Variants in SMPD3 observed in about 807,000 individuals in gnomAD.
SMPD3 encodes the protein sphingomyelin phosphodiesterase 3.
SMPD3 carries 21 observed loss-of-function variants against 55.7 expected under a neutral mutation model. That is an observed-to-expected ratio of 0.38 (90% CI 0.27 to 0.54). The LOEUF is 0.54. Ranked by LOEUF, SMPD3 falls within the 20% of genes least tolerant of loss-of-function variation. SMPD3 has a pLI of 0.80. For synonymous variants in SMPD3, 457 were observed against 404.3 expected (o/e 1.13, Z -1.56); for missense variants, 842 against 899.6 (o/e 0.94, Z 0.82).
At chr16:68,439,028 C>T (rs1288201536) in intron 1 of SMPD3, among the ~76,000 whole-genome samples, 2 of 152,162 alleles carry the variant, frequency 1.3e-5, no homozygotes, top group African/African-American at 4.8e-5. Flanking sequence ...GAGCACAATG[C>T]CTGACCCACT....
rs907834946 is a variant in SMPD3 at position 68,360,146 on chromosome 16, G to A, written c.*1060C>T. 5 of 152,682 alleles carry A rather than the reference G, an allele frequency of 3.3e-5. No homozygotes were observed. Among genetic ancestry groups the A allele is most frequent in the African/African-American group, 1.2e-4 (5 of 41,472 alleles). 9.5% of individuals were successfully genotyped at this position (152,682 alleles called of 1,614,324 possible). ...CAGCCCCACCCGGGGGGCAGGCAGG[G>A]GTTCCTGAGCTCAGCCGGCACGCAG... On this transcript the variant is annotated 3_prime_UTR_variant, in exon 9 of 9. Transcript: ENST00000219334.
At chr16:68,364,005 C>T (rs2089399022) in intron 5 of SMPD3, 139 bp from the exon 6 acceptor site, 8 of 721,114 alleles carry the variant, frequency 1.1e-5, no homozygotes, top group Admixed American at 2.8e-5. Context: ...GGTGGGATCT[C>T]AGTCCCATTC....
chr16:68,436,373 T>C (rs2090523341), intron 1 of SMPD3, among the ~76,000 whole-genome samples: 1 of 152,174 alleles, frequency 6.6e-6, no homozygotes, highest in Non-Finnish European at 1.5e-5. Flanking sequence ...GTGTTCCCCC[T>C]GGTAGAATTA....
chr16:68,416,925 G>A (rs2090344687), intron 1 of SMPD3, among the ~76,000 whole-genome samples: 1 of 152,156 alleles, frequency 6.6e-6, no homozygotes, highest in Non-Finnish European at 1.5e-5. Flanking sequence ...CTGGAAAGCT[G>A]CTTCCTGATT....
chr16:68,431,468 T>C (rs2090478925), intron 1 of SMPD3, among the ~76,000 whole-genome samples: 1 of 152,182 alleles, frequency 6.6e-6, no homozygotes, highest in African/African-American at 2.4e-5. Context: ...TTGCTGGCGA[T>C]TGTATCAGAC....
chr16:68,416,929 C>G (rs778300932), intron 1 of SMPD3, among the ~76,000 whole-genome samples: 13 of 152,118 alleles, frequency 8.5e-5, no homozygotes, highest in Non-Finnish European at 1.8e-4. Flanking sequence ...AAAGCTGCTT[C>G]CTGATTGCCA....
chr16:68,422,550 GCTTGGAGGC>G (rs2090404081), intron 1 of SMPD3, among the ~76,000 whole-genome samples: 1 of 152,190 alleles, frequency 6.6e-6, no homozygotes, highest in East Asian at 1.9e-4. Flanking sequence ...AGGCCCAGCT[GCTTGGAGGC>G]CTCCAGTCAG....
At chr16:68,392,094 G>A (rs552619359) in intron 1 of SMPD3, among the ~76,000 whole-genome samples, 2 of 152,216 alleles carry the variant, frequency 1.3e-5, no homozygotes, top group East Asian at 1.9e-4. Context: ...GTTTCACCAC[G>A]TGGGCCAGGC....
rs760939185 is a variant in SMPD3, at chr16:68,400,979, C to T, written c.-268-14320G>A. Among the ~76,000 whole-genome samples, 32 of 152,208 alleles carry T rather than the reference C, an allele frequency of 2.1e-4. 1 individual carries two copies. Among genetic ancestry groups the T allele is most frequent in the Non-Finnish European group, 3.8e-4 (26 of 68,038 alleles). On this transcript the variant is annotated intron_variant, in intron 1 of 8. Transcript: ENST00000219334. Reference sequence around the variant, plus strand: ...CTTGTGATTGGATCTGCTAGTTTTGCACTGGATTGAACTTTTTTCTCCTGA... The same window carrying T: ...CTTGTGATTGGATCTGCTAGTTTTGTACTGGATTGAACTTTTTTCTCCTGA...
intron 7 of SMPD3, 43 bp downstream of exon 7, chr16:68,363,453 G>C: frequency 1.2e-6 from 2 of 1,610,138 alleles, no homozygotes; most frequent in Non-Finnish European, 1.7e-6. Context: ...CTCCACCTTA[G>C]TCAGGGTGTG....
At chr16:68,423,895 C>T (rs1001171155) in intron 1 of SMPD3, among the ~76,000 whole-genome samples, 2 of 151,942 alleles carry the variant, frequency 1.3e-5, no homozygotes, top group African/African-American at 2.4e-5. Context: ...GCTGAGGAGG[C>T]GGTGATGTCA....
intron 1 of SMPD3, among the ~76,000 whole-genome samples, chr16:68,399,708 C>A (rs564644428): frequency 4.3e-4 from 66 of 152,360 alleles, no homozygotes; most frequent in African/African-American, 1.2e-3. Flanking sequence ...ACTTGGAACC[C>A]AATCAGCTGC....
chr16:68,402,541 TTA>T (rs1491492156), intron 1 of SMPD3, among the ~76,000 whole-genome samples: 1 of 152,126 alleles, frequency 6.6e-6, no homozygotes, highest in Non-Finnish European at 1.5e-5. Flanking sequence ...TAGTGATTTG[TTA>T]TATAGCATGG....
Position 68,371,650 on chromosome 16 carries a change from A to G in SMPD3, c.532T>C (p.Ser178Pro). The change falls in exon 3 of 9, where the codon TCC (serine) becomes CCC (proline). Residue 178 changes from serine to proline, a missense_variant. Physicochemically the swap from Ser to Pro is moderately conservative, Grantham distance 74. Coordinates refer to ENST00000219334, the MANE Select transcript of SMPD3 (RefSeq NM_018667.4). ...CTGCTGAAGCTAGCGGCGCTGATGGAGGTATTGGTGGGGGAGTCGATGTAA... is the reference window on the plus strand; with the variant it reads ...CTGCTGAAGCTAGCGGCGCTGATGGGGGTATTGGTGGGGGAGTCGATGTAA... ...KIYIDSPTNT[S>P]ISAASFSSLV... The G allele has an allele frequency of 6.4e-7, 1 of 1,565,038 alleles. No individual in the cohort carries two copies. Among genetic ancestry groups the G allele is most frequent in the Non-Finnish European group, 8.6e-7 (1 of 1,156,094 alleles).
rs555116403 is a variant in SMPD3 at position 68,374,020 on chromosome 16, C to T, written c.-206-1633G>A. Among the ~76,000 whole-genome samples the T allele has an allele frequency of 2.4e-4, 36 of 152,362 alleles. No individual in the cohort carries two copies. In the South Asian group the frequency reaches 4.1e-3, roughly 18 times the overall value. ...CCACCGGTGGCTCTCATCCCCGCCA[C>T]GTGTGGCCTGGTCTCTGCAGTTCTG... On this transcript the variant is annotated intron_variant, in intron 2 of 8. Coordinates refer to ENST00000219334, the MANE Select transcript of SMPD3 (RefSeq NM_018667.4).
chr16:68,400,733 C>A (rs2090197898), intron 1 of SMPD3, among the ~76,000 whole-genome samples: 1 of 152,214 alleles, frequency 6.6e-6, no homozygotes, highest in Non-Finnish European at 1.5e-5. Flanking sequence ...CCAGCCCCGA[C>A]AAAGGTGCCT....
chr16:68,371,559 G>T lies in SMPD3; in HGVS notation c.623C>A (p.Ala208Asp). The change falls in exon 3 of 9, where the codon GCC becomes GAC. Residue 208 changes from alanine (A) to aspartate (D), a missense_variant. Transcript: ENST00000219334. Reference sequence around the variant, plus strand: ...ACCGTCACCCTTGTACTCCACAGAGGCTGTCCTCTTAATGCTCCCGGGGAC... The same window carrying T: ...ACCGTCACCCTTGTACTCCACAGAGTCTGTCCTCTTAATGCTCCCGGGGAC... ...RAVPGSIKRT[A>D]SVEYKGDGGR... 6.3e-7 allele frequency: 1 copy of T among 1,594,892 alleles called. No homozygotes were observed.
intron 7 of SMPD3, among the ~76,000 whole-genome samples, chr16:68,361,992 G>C (rs769662653): frequency 6.6e-6 from 1 of 152,180 alleles, no homozygotes; most frequent in Non-Finnish European, 1.5e-5. Flanking sequence ...GAAGTGTTCT[G>C]TCCGCCCCAG....
chr16:68,425,666 G>A (rs899422585), intron 1 of SMPD3, among the ~76,000 whole-genome samples: 3 of 152,234 alleles, frequency 2.0e-5, no homozygotes, highest in Admixed American at 2.0e-4. Context: ...AAGCTCTTCA[G>A]ATTGCTGTTA....
Sources: allele counts gnomAD v4.1 joint callset (sites outside exome capture counted in the v4.1 genomes callset), GRCh38; gene constraint gnomAD v4.1.1; transcripts MANE v1.5; gene names NCBI Gene and HGNC (gene_info 2026-07-23, HGNC 2026-07-21).